LURAP1L: variants seen among roughly 807,000 people sequenced by gnomAD.
The protein encoded by LURAP1L is leucine rich adaptor protein 1 like, also known as leucine rich adaptor protein 1-like.
In LURAP1L, 12 loss-of-function variants were observed where a neutral mutation model predicts 13.8. The observed-to-expected ratio is 0.87, with a 90% confidence interval of 0.56 to 1.41. LURAP1L has a LOEUF of 1.41. LURAP1L is among the 40% of genes most tolerant of loss of function. The pLI, the probability that LURAP1L is intolerant of heterozygous loss-of-function variation, is 0.00. For synonymous variants in LURAP1L, 139 were observed against 119.2 expected (o/e 1.17, Z -1.08); for missense variants, 375 against 292.9 (o/e 1.28, Z -2.04).
rs555618559 is a variant in LURAP1L, at chr9:12,776,115, G to C, written c.312+88G>C. 1.2e-4 allele frequency: 155 copies of C among 1,343,376 alleles called. No individual in the cohort carries two copies. In the African/African-American group the frequency reaches 1.7e-3, roughly 15 times the overall value. The allele number at this position is 1,343,376 out of a possible 1,614,324, so 83.2% of individuals were successfully genotyped here. A position where few individuals can be genotyped will look rare whatever the true frequency, so the allele number is the denominator to read the frequency against. ...TGAGAATGGGGCTGGGAGAGAGGAC[G>C]GCAGGGGCTGCAGAGCGGAGCGCTG... On this transcript the variant is annotated intron_variant, in intron 1 of 1. Coordinates refer to ENST00000319264, the MANE Select transcript of LURAP1L (RefSeq NM_203403.2).
chr9:12,800,491 A>G lies in LURAP1L; in HGVS notation c.313-20895A>G, dbSNP rs927487581. Among the ~76,000 whole-genome samples the G allele has an allele frequency of 4.6e-5, 7 of 152,044 alleles. 2 individuals carry two copies. The highest frequency in any genetic ancestry group is 3.9e-4 in the Admixed American group (6 of 15,262). On this transcript the variant is annotated intron_variant, in intron 1 of 1. Coordinates refer to ENST00000319264, the MANE Select transcript of LURAP1L (RefSeq NM_203403.2). Reference sequence around the variant, plus strand: ...GGATACCATTTACTACACTGTCTTCATTATATCAGGAAGTTCATAGGGGTT... The same window carrying G: ...GGATACCATTTACTACACTGTCTTCGTTATATCAGGAAGTTCATAGGGGTT...
chr9:12,811,179 T>C (rs989635721), intron 1 of LURAP1L, among the ~76,000 whole-genome samples: 3 of 152,216 alleles, frequency 2.0e-5, no homozygotes, highest in African/African-American at 4.8e-5. Context: ...AAATGAGGAA[T>C]TCTGAAAAGC....
chr9:12,775,601 G>A lies in LURAP1L; in HGVS notation c.-115G>A, dbSNP rs1325864088. 2.1e-6 allele frequency: 3 copies of A among 1,443,450 alleles called. No homozygotes were observed. Among genetic ancestry groups the A allele is most frequent in the Non-Finnish European group, 1.8e-6 (2 of 1,096,926 alleles). The allele number at this position is 1,443,450 out of a possible 1,614,324, so 89.4% of individuals were successfully genotyped here. On this transcript the variant is annotated 5_prime_UTR_variant, in exon 1 of 2. Transcript: ENST00000319264. ...GAAAGGACGGTACACCGGAGCGGCG[G>A]AGGATAGAGACCCTGGCCCCCGGAG...
intron 1 of LURAP1L, among the ~76,000 whole-genome samples, chr9:12,807,695 T>C (rs1033568611): frequency 3.9e-5 from 6 of 152,228 alleles, no homozygotes; most frequent in Non-Finnish European, 8.8e-5. Flanking sequence ...TATAGTTGGA[T>C]TAATAGCGAT....
intron 1 of LURAP1L, among the ~76,000 whole-genome samples, chr9:12,801,015 T>C (rs1819578773): frequency 1.3e-5 from 2 of 152,186 alleles, no homozygotes; most frequent in African/African-American, 4.8e-5. Context: ...GAAAGATCTA[T>C]TTAATTTTGA....
chr9:12,807,029 A>ACTGACT (rs1563896049), intron 1 of LURAP1L, among the ~76,000 whole-genome samples: 3 of 143,002 alleles, frequency 2.1e-5, no homozygotes, highest in Admixed American at 7.3e-5. Flanking sequence ...TCAAAAAAAA[A>ACTGACT]AAAAAAAAAA....
At chr9:12,794,665 T>C (rs1472328705) in intron 1 of LURAP1L, among the ~76,000 whole-genome samples, 3 of 151,988 alleles carry the variant, frequency 2.0e-5, no homozygotes, top group African/African-American at 7.2e-5. Context: ...TGCAAATCTA[T>C]AGTAAACATA....
intron 1 of LURAP1L, among the ~76,000 whole-genome samples, chr9:12,803,005 G>T (rs1819607944): frequency 6.6e-6 from 1 of 152,102 alleles, no homozygotes; most frequent in African/African-American, 2.4e-5. Context: ...TAAGAAAAAT[G>T]AATCCATACT....
chr9:12,781,584 G>A (rs1300798697), intron 1 of LURAP1L, among the ~76,000 whole-genome samples: 1 of 152,154 alleles, frequency 6.6e-6, no homozygotes, highest in Non-Finnish European at 1.5e-5. Context: ...GCAAATGACA[G>A]ATTCTAATTC....
At chr9:12,788,382 T>C (rs1407701315) in intron 1 of LURAP1L, among the ~76,000 whole-genome samples, 1 of 152,064 alleles carries the variant, frequency 6.6e-6, no homozygotes, top group Non-Finnish European at 1.5e-5. Context: ...ACCTTTAAAG[T>C]TAAACTGACA....
intron 1 of LURAP1L, among the ~76,000 whole-genome samples, chr9:12,789,940 T>C (rs1819416872): frequency 6.6e-6 from 1 of 152,200 alleles, no homozygotes; most frequent in African/African-American, 2.4e-5. Flanking sequence ...TTTTTAATTG[T>C]GACGACAAAA....
intron 1 of LURAP1L, among the ~76,000 whole-genome samples, chr9:12,783,892 C>T (rs1819312157): frequency 6.7e-6 from 1 of 149,788 alleles, no homozygotes; most frequent in East Asian, 2.0e-4. Context: ...TTGTCTCCCT[C>T]ACTGTATATT....
At chr9:12,790,327 C>T (rs1819423262) in intron 1 of LURAP1L, among the ~76,000 whole-genome samples, 1 of 152,102 alleles carries the variant, frequency 6.6e-6, no homozygotes, top group South Asian at 2.1e-4. Flanking sequence ...CTTATATGTC[C>T]TTAATGCCTG....
At chr9:12,785,757 T>A (rs1023955186) in intron 1 of LURAP1L, among the ~76,000 whole-genome samples, 1 of 152,206 alleles carries the variant, frequency 6.6e-6, no homozygotes, top group East Asian at 1.9e-4. Flanking sequence ...AGGGGCTGTG[T>A]AAGCAATACA....
At chr9:12,779,645 A>C (rs1413387794) in intron 1 of LURAP1L, among the ~76,000 whole-genome samples, 1 of 152,152 alleles carries the variant, frequency 6.6e-6, no homozygotes, top group Admixed American at 6.6e-5. Flanking sequence ...TTATTGAGCT[A>C]ATGCTGAAGG....
chr9:12,785,305 A>C (rs1385977592), intron 1 of LURAP1L, among the ~76,000 whole-genome samples: 2 of 151,988 alleles, frequency 1.3e-5, no homozygotes, highest in Non-Finnish European at 2.9e-5. Context: ...CAAAACTGCG[A>C]GCTGCACTGT....
chr9:12,821,612 G>T lies in LURAP1L; in HGVS notation c.539G>T (p.Gly180Val). ...GATGGGCTGGATGGCATTTCCGTGG[G>T]AAGTTATCTGGACACGTTGGCGGAT... ...GSDGLDGISV[G>V]SYLDTLADDV... is the part of the protein sequence containing the mutation. Residue 180 changes from glycine to valine, a missense_variant, in exon 2 of 2, where the codon GGA (glycine) becomes GTA (valine). Coordinates refer to ENST00000319264, the MANE Select transcript of LURAP1L (RefSeq NM_203403.2). 6.2e-7 allele frequency: 1 copy of T among 1,614,164 alleles called. No individual in the cohort carries two copies. Among genetic ancestry groups the T allele is most frequent in the Non-Finnish European group, 8.5e-7 (1 of 1,180,040 alleles).
intron 1 of LURAP1L, among the ~76,000 whole-genome samples, chr9:12,797,203 A>G (rs188838780): frequency 2.4e-4 from 36 of 152,172 alleles, no homozygotes; most frequent in Non-Finnish European, 5.0e-4. Context: ...CAAGAGCTTT[A>G]CTTATGGAAA....
In LURAP1L at chr9:12,822,639, A is replaced by C. The variant is rs923129781; in HGVS notation, c.*879A>C. ...CAGATAAATATCCCGATAGCCTACTATCAGCATCCTACTACTGCTTCCCTA... is the reference window on the plus strand; with the variant it reads ...CAGATAAATATCCCGATAGCCTACTCTCAGCATCCTACTACTGCTTCCCTA... On this transcript the variant is annotated 3_prime_UTR_variant, in exon 2 of 2. Transcript: ENST00000319264. 6.6e-6 allele frequency among the ~76,000 whole-genome samples: 1 copy of C among 152,212 alleles called. No individual in the cohort carries two copies. Among genetic ancestry groups the C allele is most frequent in the East Asian group, 1.9e-4 (1 of 5,200 alleles).
Sources: allele counts gnomAD v4.1 joint callset (sites outside exome capture counted in the v4.1 genomes callset), GRCh38; gene constraint gnomAD v4.1.1; transcripts MANE v1.5; gene names NCBI Gene and HGNC (gene_info 2026-07-23, HGNC 2026-07-21).